The following CNIH3 variants were observed in gnomAD, a reference collection of about 807,000 sequenced individuals.
CNIH3 encodes the protein protein cornichon homolog 3.
A neutral mutation model predicts 24.1 loss-of-function variants in CNIH3; 14 were observed. The observed-to-expected ratio is 0.58, with a 90% confidence interval of 0.38 to 0.91. The LOEUF (loss-of-function observed/expected upper bound fraction) is 0.91, where lower values mean the gene tolerates loss of function less well. CNIH3 is among the 40% of genes least tolerant of loss of function. The pLI is 0.00. For synonymous variants in CNIH3, 68 were observed against 73.8 expected, an observed-to-expected ratio of 0.92 and a Z score of 0.40; for missense variants, 178 against 196.8, an observed-to-expected ratio of 0.90 and a Z score of 0.57.
chr1:224,436,242 A>G (rs1674660290), intron 1 of CNIH3, among the ~76,000 whole-genome samples: 1 of 152,218 alleles, frequency 6.6e-6, no homozygotes, highest in South Asian at 2.1e-4. Context: ...GTTGAGGTTC[A>G]TAGAGCTCTG....
intron 3 of CNIH3, among the ~76,000 whole-genome samples, chr1:224,688,478 T>C (rs1207464621): frequency 6.6e-6 from 1 of 152,184 alleles, no homozygotes; most frequent in Non-Finnish European, 1.5e-5. Flanking sequence ...CATAGCCCAC[T>C]GAAGGTGCTC....
At chr1:224,448,433 A>AG (rs1675252849) in intron 1 of CNIH3, among the ~76,000 whole-genome samples, 1 of 152,180 alleles carries the variant, frequency 6.6e-6, no homozygotes, top group East Asian at 1.9e-4. Context: ...AAAATGGAAC[A>AG]GGGGAGGTAA....
rs553402449 is a variant in CNIH3, at chr1:224,735,048, G to T, written c.455+342G>T. Among the ~76,000 whole-genome samples, 4 of 152,182 alleles carry T rather than the reference G, an allele frequency of 2.6e-5. No individual in the cohort carries two copies. The South Asian group carries it at 8.3e-4, about 32-fold the overall frequency. On this transcript the variant is annotated intron_variant, in intron 5 of 5. Transcript: ENST00000272133. ...GCTTCCTGCCTCTCACGACTTTGCA[G>T]CTCAGCCCAGCAGGTTGCCTGTGGC... is the stretch of plus-strand genomic sequence containing the variant.
chr1:224,712,034 C>T (rs1055264277), intron 3 of CNIH3, among the ~76,000 whole-genome samples: 4 of 152,118 alleles, frequency 2.6e-5, no homozygotes, highest in African/African-American at 9.7e-5. Flanking sequence ...CAGGCTATTG[C>T]CCTGGTTCTC....
chr1:224,459,355 T>A, intron 1 of CNIH3: 1 of 387,222 alleles, frequency 2.6e-6, no homozygotes, highest in Non-Finnish European at 3.5e-6. Context: ...ATCCTTGCAG[T>A]ATGAAAACAA....
intron 1 of CNIH3, among the ~76,000 whole-genome samples, chr1:224,491,362 G>A (rs1438882595): frequency 2.6e-5 from 4 of 152,232 alleles, no homozygotes; most frequent in Admixed American, 6.5e-5. Flanking sequence ...TGCTGGAACC[G>A]GCTCATACTG....
chr1:224,584,846 G>T (rs1469234556), intron 5 of CNIH3, among the ~76,000 whole-genome samples: 1 of 152,174 alleles, frequency 6.6e-6, no homozygotes, highest in Admixed American at 6.5e-5. Flanking sequence ...TGCCTAATGG[G>T]TTGGCCCAGC....
At chr1:224,555,218 A>T (rs1680088636) in intron 3 of CNIH3, among the ~76,000 whole-genome samples, 1 of 152,328 alleles carries the variant, frequency 6.6e-6, no homozygotes, top group South Asian at 2.1e-4. Context: ...CACACAGCTA[A>T]GTGTGGAGTG....
chr1:224,459,105 C>T lies in CNIH3; in HGVS notation n.203+24243C>T, dbSNP rs1010391358. ...TGTTTGACTCCAAATGGCCAAACACCTGACTTCCTCTCTGGTAGCCTGGCT... is the reference window on the plus strand; with the variant it reads ...TGTTTGACTCCAAATGGCCAAACACTTGACTTCCTCTCTGGTAGCCTGGCT... On this transcript the variant is annotated intron_variant and non_coding_transcript_variant, in intron 1 of 5. Coordinates refer to the CNIH3 transcript ENST00000471578. 1.4e-5 allele frequency: 9 copies of T among 655,148 alleles called. No homozygotes were observed. The Admixed American group carries it at 5.7e-4, about 41-fold the overall frequency. The allele number at this position is 655,148 out of a possible 1,614,324, so 40.6% of individuals were successfully genotyped here.
intron 1 of CNIH3, among the ~76,000 whole-genome samples, chr1:224,477,308 G>A (rs931782535): frequency 2.6e-5 from 4 of 152,170 alleles, no homozygotes; most frequent in South Asian, 2.1e-4. Flanking sequence ...TGAGTGGGAC[G>A]CGCAAGCTAG....
chr1:224,527,914 T>G (rs1435701433), intron 2 of CNIH3, among the ~76,000 whole-genome samples: 2 of 152,168 alleles, frequency 1.3e-5, no homozygotes, highest in Non-Finnish European at 2.9e-5. Flanking sequence ...TCTTTTAAAG[T>G]ATATCTGAAT....
At chr1:224,636,930 A>G (rs892412857) in intron 1 of CNIH3, among the ~76,000 whole-genome samples, 3 of 149,570 alleles carry the variant, frequency 2.0e-5, no homozygotes, top group Non-Finnish European at 4.4e-5. Context: ...TCTATCATCT[A>G]TCTGTCTTTG....
At chr1:224,588,730 T>G (rs1225875233), downstream of CNIH3, 1 of 151,898 alleles carries the variant, frequency 6.6e-6, no homozygotes, top group Non-Finnish European at 1.5e-5. Context: ...ATTAGCTGGA[T>G]TTTTGCACTT....
chr1:224,657,328 G>A (rs7549213), intron 1 of CNIH3, among the ~76,000 whole-genome samples: 6 of 152,010 alleles, frequency 3.9e-5, no homozygotes, highest in Non-Finnish European at 7.4e-5. Flanking sequence ...AAGCCAGTCC[G>A]CTATGGTTTG....
intron 2 of CNIH3, among the ~76,000 whole-genome samples, chr1:224,527,400 A>G (rs993906536): frequency 2.0e-5 from 3 of 152,146 alleles, no homozygotes; most frequent in African/African-American, 7.2e-5. Flanking sequence ...AGGAAACTTT[A>G]TTTTCTTCAC....
At chr1:224,619,869 G>T (rs1208732443) in intron 1 of CNIH3, among the ~76,000 whole-genome samples, 2 of 152,216 alleles carry the variant, frequency 1.3e-5, no homozygotes, top group African/African-American at 4.8e-5. Flanking sequence ...TGAAGATGGC[G>T]TGCTTTTCTT....
At chr1:224,575,057 G>T in intron 4 of CNIH3, 1 of 876,196 alleles carries the variant, frequency 1.1e-6, no homozygotes, top group South Asian at 1.3e-5. Context: ...AAGGCATCAT[G>T]GTGACTGCCT....
intron 3 of CNIH3, among the ~76,000 whole-genome samples, chr1:224,558,966 A>G (rs1278797852): frequency 6.6e-6 from 1 of 152,222 alleles, no homozygotes; most frequent in South Asian, 2.1e-4. Context: ...TAAGAAATAA[A>G]TGTATTTGAG....
intron 2 of CNIH3, among the ~76,000 whole-genome samples, chr1:224,543,701 C>T (rs1264493231): frequency 6.6e-6 from 1 of 152,190 alleles, no homozygotes; most frequent in Non-Finnish European, 1.5e-5. Context: ...GACTTGCTTC[C>T]TGCCTGTCTC....
Sources: gnomAD v4.1 joint callset for allele counts (sites outside exome capture counted in the v4.1 genomes callset) on GRCh38, gnomAD v4.1.1 for gene constraint, MANE v1.5 for transcripts, NCBI Gene and HGNC (gene_info 2026-07-23, HGNC 2026-07-21) for gene names.